The following MYO16 variants were observed in gnomAD, a reference collection of about 807,000 sequenced individuals.
The protein encoded by MYO16 is myosin XVI, also known as unconventional myosin-XVI.
A neutral mutation model predicts 205.3 loss-of-function variants in MYO16; 94 were observed. The ratio of observed to expected loss-of-function variants is 0.46; its 90% confidence interval spans 0.39 to 0.54. The LOEUF (loss-of-function observed/expected upper bound fraction) is 0.54. Ranked by LOEUF, MYO16 falls within the 20% of genes least tolerant of loss-of-function variation. MYO16 has a pLI of 0.00. For missense variants in MYO16, 2,315 were observed against 2,387.5 expected (o/e 0.97, Z 0.63); for synonymous variants, 988 against 954.0 (o/e 1.04, Z -0.66).
At position 109,040,393 on chromosome 13, in the gene MYO16, G is replaced by C. The variant is rs867553318; in HGVS notation, c.2797-6523G>C. Among the ~76,000 whole-genome samples the C allele has an allele frequency of 5.7e-4, 84 of 147,698 alleles. 1 individual carries two copies. The highest frequency in any genetic ancestry group is 7.5e-4 in the African/African-American group (30 of 39,862). ...ACACACACACACACACACAGAGAGA[G>C]AGAGAGAGAGAGAGAGAGAGAGAAA... On this transcript the variant is annotated intron_variant, in intron 23 of 34. Coordinates refer to ENST00000457511, the MANE Select transcript of MYO16 (RefSeq NM_001198950.3).
At chr13:108,858,401 A>C (rs1315805221) in intron 11 of MYO16, among the ~76,000 whole-genome samples, 1 of 152,136 alleles carries the variant, frequency 6.6e-6, no homozygotes, top group African/African-American at 2.4e-5. Flanking sequence ...GAATTTGGTC[A>C]TTTGAGCTCT....
In MYO16 at chr13:108,785,729, A is replaced by G; in HGVS notation, c.602A>G (p.Tyr201Cys). The G allele has an allele frequency of 1.9e-6, 3 of 1,604,864 alleles. No individual in the cohort carries two copies. Among genetic ancestry groups the G allele is most frequent in the Non-Finnish European group, 8.5e-7 (1 of 1,175,714 alleles). ...GTESSSILLT[Y>C]LDENGVDLTS... Reference sequence around the variant, plus strand: ...GAATCCAGCTCTATCCTGTTGACCTATCTGGATGAAAATGGTAGGCAAAAA... The same window carrying G: ...GAATCCAGCTCTATCCTGTTGACCTGTCTGGATGAAAATGGTAGGCAAAAA... The change falls in exon 5 of 35, where the codon TAT becomes TGT. Residue 201 changes from tyrosine to cysteine, a missense_variant. Around this residue, in one of 3 missense-constraint regions of MYO16, gnomAD observed 1,213 missense variants for 1,274.4 expected, o/e 0.95. Transcript: ENST00000457511.
chr13:108,793,563 A>G lies in MYO16; in HGVS notation c.664A>G (p.Ser222Gly). The G allele has an allele frequency of 2.5e-6, 4 of 1,613,850 alleles. No individual in the cohort carries two copies. Among genetic ancestry groups the G allele is most frequent in the South Asian group, 1.1e-5 (1 of 91,084 alleles). The change falls in exon 6 of 35, where the codon AGT becomes GGT. Residue 222 changes from serine (S) to glycine (G), a missense_variant. Around this residue, in one of 3 missense-constraint regions of MYO16, gnomAD observed 1,213 missense variants for 1,274.4 expected, o/e 0.95. Transcript: ENST00000457511. ...LRQMKLQRPM[S>G]MLTDVKHFLS... is the part of the protein sequence containing the mutation. ...CCAGATGAAGCTTCAGAGACCAATG[A>G]GTATGTTAACAGATGTCAAACACTT...
rs1269667669 is a variant in MYO16, at chr13:109,156,220, G to A, written c.5165-8681G>A. On this transcript the variant is annotated intron_variant, in intron 32 of 34. Transcript: ENST00000457511. Reference sequence around the variant, plus strand: ...AGTGCTTGTATCCAAATTTAATTACGCACCATCTATGTGTATCTGCAAGCG... The same window carrying A: ...AGTGCTTGTATCCAAATTTAATTACACACCATCTATGTGTATCTGCAAGCG... Among the ~76,000 whole-genome samples the A allele has an allele frequency of 2.6e-5, 4 of 152,136 alleles. No individual in the cohort carries two copies. In the East Asian group the frequency reaches 5.8e-4, roughly 22 times the overall value.
intron 2 of MYO16, among the ~76,000 whole-genome samples, chr13:108,680,971 A>G (rs1882436876): frequency 6.6e-6 from 1 of 152,214 alleles, no homozygotes; most frequent in Non-Finnish European, 1.5e-5. Flanking sequence ...AACATGTCAA[A>G]TGTCCTTCTC....
chr13:108,679,583 C>G (rs114649415), intron 2 of MYO16, among the ~76,000 whole-genome samples: 2,027 of 151,992 alleles, frequency 0.013, 39 homozygotes, highest in African/African-American at 0.043. Flanking sequence ...TTGTGGCCAT[C>G]ATAATTTTGC....
At chr13:108,615,493 G>T (rs185293080) in intron 1 of MYO16, among the ~76,000 whole-genome samples, 16 of 152,130 alleles carry the variant, frequency 1.1e-4, no homozygotes, top group Admixed American at 1.0e-3. Flanking sequence ...ACAAAAACCT[G>T]AACATGAATG....
chr13:109,049,926 CTGTG>C (rs35960970), intron 24 of MYO16, among the ~76,000 whole-genome samples: 8,598 of 105,848 alleles, frequency 0.081, 297 homozygotes, highest in Admixed American at 0.14. Context: ...TTCCTTTGTC[CTGTG>C]TGTGTGTGTG....
chr13:108,597,751 G>A (rs1878613519), intron 1 of MYO16, among the ~76,000 whole-genome samples: 1 of 152,086 alleles, frequency 6.6e-6, no homozygotes, highest in Non-Finnish European at 1.5e-5. Flanking sequence ...GCCTGTGTGT[G>A]ATTACCGGTG....
chr13:108,877,043 A>G (rs1380855699), intron 12 of MYO16, among the ~76,000 whole-genome samples: 2 of 152,114 alleles, frequency 1.3e-5, no homozygotes, highest in African/African-American at 2.4e-5. Context: ...AAAATTTGAG[A>G]CCTAATTTAT....
chr13:108,798,274 C>A (rs974748130), intron 6 of MYO16, among the ~76,000 whole-genome samples: 1 of 152,184 alleles, frequency 6.6e-6, no homozygotes, highest in Admixed American at 6.5e-5. Context: ...CGATGGAATG[C>A]CAGTTGTGGT....
intron 12 of MYO16, among the ~76,000 whole-genome samples, chr13:108,875,230 G>A (rs2139148561): frequency 6.6e-6 from 1 of 152,248 alleles, no homozygotes; most frequent in South Asian, 2.1e-4. Flanking sequence ...AAGGAAAGAA[G>A]ACAGTGAAGT....
At chr13:108,574,669 T>TTGTGTGTGTG in the MYO16 span, among the ~76,000 whole-genome samples, 1,885 of 136,540 alleles carry the variant, frequency 0.014, 19 homozygotes, top group East Asian at 0.043. Flanking sequence ...CAATAACAAT[T>TTGTGTGTGTG]TGTGTGTGTG....
intron 27 of MYO16, among the ~76,000 whole-genome samples, chr13:109,079,389 T>G (rs941738796): frequency 0.1 from 2,748 of 26,484 alleles, 78 homozygotes; most frequent in African/African-American, 0.21. Flanking sequence ...CTGTATGGGT[T>G]TTTTTTTTTT....
At chr13:108,890,465 G>T (rs1880117755) in intron 14 of MYO16, among the ~76,000 whole-genome samples, 1 of 152,112 alleles carries the variant, frequency 6.6e-6, no homozygotes, top group African/African-American at 2.4e-5. Flanking sequence ...TGCTCCCCAG[G>T]GTCAGGTAGG....
intron 13 of MYO16, among the ~76,000 whole-genome samples, chr13:108,884,682 G>C (rs2139170732): frequency 6.6e-6 from 1 of 152,128 alleles, no homozygotes; most frequent in African/African-American, 2.4e-5. Flanking sequence ...ACCGAGGCAG[G>C]GGCTTCCACC....
chr13:108,923,081 A>AT (rs1421476175), intron 16 of MYO16, among the ~76,000 whole-genome samples: 1 of 152,194 alleles, frequency 6.6e-6, no homozygotes, highest in African/African-American at 2.4e-5. Context: ...TCAAACCCTG[A>AT]TTCGTAAAAA....
intron 27 of MYO16, among the ~76,000 whole-genome samples, chr13:109,056,665 A>G (rs892439595): frequency 2.6e-5 from 4 of 152,160 alleles, no homozygotes; most frequent in Admixed American, 6.6e-5. Flanking sequence ...GAATATTACA[A>G]AGTGTTACAG....
At chr13:108,591,604 C>A (rs1366844102), upstream of MYO16, among the ~76,000 whole-genome samples, 1 of 152,012 alleles carries the variant, frequency 6.6e-6, no homozygotes, top group African/African-American at 2.4e-5. Context: ...AATTTCATGA[C>A]TTATTTTTCC....
Sources: gnomAD v4.1 joint callset for allele counts (sites outside exome capture counted in the v4.1 genomes callset) on GRCh38, gnomAD v4.1.1 for gene constraint, gnomAD v4.1.1 regional missense constraint, MANE v1.5 for transcripts, NCBI Gene and HGNC (gene_info 2026-07-23, HGNC 2026-07-21) for gene names.